Variants in CERS3 observed in about 807,000 individuals in gnomAD.
The protein encoded by CERS3 is ceramide synthase 3.
CERS3 carries 33 observed loss-of-function variants against 50.3 expected under a neutral mutation model. The ratio of observed to expected loss-of-function variants is 0.66; its 90% CI spans 0.50 to 0.88. CERS3 has a LOEUF of 0.88. CERS3 is among the 40% of genes least tolerant of loss of function. CERS3 has a pLI of 0.00. For missense variants in CERS3, 470 were observed against 460.3 expected, an observed-to-expected ratio of 1.02 and a Z score of -0.19; for synonymous variants, 176 against 155.2, an observed-to-expected ratio of 1.13 and a Z score of -0.99.
intron 10 of CERS3, among the ~76,000 whole-genome samples, chr15:100,457,770 C>T (rs904765844): frequency 3.9e-5 from 6 of 152,206 alleles, no homozygotes; most frequent in Admixed American, 6.5e-5. Flanking sequence ...GGTAGCTTTA[C>T]ATTCCCACCA....
At chr15:100,524,824 G>A (rs2036741034) in intron 1 of CERS3, among the ~76,000 whole-genome samples, 1 of 152,126 alleles carries the variant, frequency 6.6e-6, no homozygotes, top group Admixed American at 6.6e-5. Flanking sequence ...GCCTGTGTCA[G>A]GGTCAATCTA....
chr15:100,480,006 T>A lies in CERS3; in HGVS notation c.448A>T (p.Ile150Phe). ...AFYLMITVAG[I>F]AFLYDKPWLY... The stretch of plus-strand genomic sequence containing the variant: ...TAACTTACATCATAAAGAAACGCAA[T>A]TCCAGCAACAGTGATCATTAAGTAA... Residue 150 changes from isoleucine (I) to phenylalanine (F), a missense_variant, in exon 6 of 12, where the codon ATT becomes TTT. Transcript: ENST00000679737. The A allele has an allele frequency of 1.2e-6, 2 of 1,608,738 alleles. No homozygotes were observed. Among genetic ancestry groups the A allele is most frequent in the Non-Finnish European group, 1.7e-6 (2 of 1,178,104 alleles).
intron 11 of CERS3, among the ~76,000 whole-genome samples, chr15:100,441,438 C>T (rs1258490376): frequency 6.6e-6 from 1 of 151,418 alleles, no homozygotes. Context: ...CACGCCCCAA[C>T]CCCTTTCTCG....
At chr15:100,454,387 C>CAAAAAAAAAAA (rs59536958) in intron 11 of CERS3, among the ~76,000 whole-genome samples, 2 of 111,454 alleles carry the variant, frequency 1.8e-5, no homozygotes, top group Non-Finnish European at 1.8e-5. Flanking sequence ...AAGGCATTGT[C>CAAAAAAAAAAA]AAAAAAAAAA....
chr15:100,444,319 C>T (rs541631610), intron 11 of CERS3, among the ~76,000 whole-genome samples: 1 of 152,166 alleles, frequency 6.6e-6, no homozygotes, highest in South Asian at 2.1e-4. Context: ...TGTTGAGTCT[C>T]CCACAATTAC....
chr15:100,471,066 A>T (rs1435223425), intron 9 of CERS3, among the ~76,000 whole-genome samples: 1 of 152,102 alleles, frequency 6.6e-6, no homozygotes, highest in South Asian at 2.1e-4. Flanking sequence ...ACCACTTAAT[A>T]TTTTGTCTAC....
At chr15:100,510,761 G>A (rs972292954) in intron 2 of CERS3, among the ~76,000 whole-genome samples, 21 of 152,184 alleles carry the variant, frequency 1.4e-4, no homozygotes, top group African/African-American at 4.3e-4. Context: ...GGACAGGAGC[G>A]ATTTTTAAAG....
In CERS3 at chr15:100,420,240, A is replaced by G. The variant is rs2032317881; in HGVS notation, c.1000-17375T>C. ...TCAAATAGACGCAATAAAAAATGAT[A>G]AAGGGGATATCACCACCGATCCCAC... On this transcript the variant is annotated intron_variant, in intron 11 of 11. Transcript: ENST00000679737. Among the ~76,000 whole-genome samples, 9 of 145,892 alleles carry G rather than the reference A, an allele frequency of 6.2e-5. No individual in the cohort carries two copies. The South Asian group carries it at 2.1e-3, about 34-fold the overall frequency.
At chr15:100,532,951 CT>C (rs1209035526), upstream of CERS3, among the ~76,000 whole-genome samples, 4 of 152,166 alleles carry the variant, frequency 2.6e-5, no homozygotes, top group African/African-American at 9.7e-5. Context: ...TCTCTCCTCC[CT>C]GCCACAATGA....
intron 11 of CERS3, among the ~76,000 whole-genome samples, chr15:100,439,586 G>A (rs75439191): frequency 1.3e-3 from 197 of 152,334 alleles, no homozygotes; most frequent in South Asian, 8.9e-3. Context: ...TGCATTAAAT[G>A]CTAAACGCTG....
chr15:100,423,742 T>G (rs764846780), intron 11 of CERS3, among the ~76,000 whole-genome samples: 1 of 152,120 alleles, frequency 6.6e-6, no homozygotes, highest in Non-Finnish European at 1.5e-5. Flanking sequence ...ATGTGCCCCC[T>G]GAACCTAAAA....
intron 10 of CERS3, among the ~76,000 whole-genome samples, chr15:100,463,762 A>G (rs1439876109): frequency 6.6e-6 from 1 of 152,174 alleles, no homozygotes; most frequent in Admixed American, 6.5e-5. Context: ...CCCAGCTTCA[A>G]CAGAGTCTTT....
intron 11 of CERS3, among the ~76,000 whole-genome samples, chr15:100,421,718 A>G (rs1011537507): frequency 6.8e-6 from 1 of 147,504 alleles, no homozygotes; most frequent in African/African-American, 2.5e-5. Flanking sequence ...ACAGCATGGT[A>G]CTGGTACCAA....
chr15:100,472,861 G>A, intron 9 of CERS3, 63 bp downstream of exon 9: 1 of 1,601,588 alleles, frequency 6.2e-7, no homozygotes, highest in Admixed American at 1.7e-5. Context: ...AATTACTTCT[G>A]TGAGCAGTTA....
intron 1 of CERS3, among the ~76,000 whole-genome samples, chr15:100,541,463 C>T (rs2037200757): frequency 6.6e-6 from 1 of 151,598 alleles, no homozygotes; most frequent in Non-Finnish European, 1.5e-5. Context: ...CAGAGCGAGA[C>T]TCCATCTTAA....
At chr15:100,462,004 G>A (rs188086379) in intron 10 of CERS3, among the ~76,000 whole-genome samples, 5 of 152,160 alleles carry the variant, frequency 3.3e-5, no homozygotes, top group African/African-American at 1.2e-4. Flanking sequence ...AATTCCATCT[G>A]CCCTTCCCAG....
At chr15:100,488,733 C>A (rs1567656355) in intron 4 of CERS3, among the ~76,000 whole-genome samples, 1 of 151,132 alleles carries the variant, frequency 6.6e-6, no homozygotes, top group Non-Finnish European at 1.5e-5. Flanking sequence ...ATTCCTTCAC[C>A]TTTTTGGTTC....
intron 11 of CERS3, among the ~76,000 whole-genome samples, chr15:100,453,912 G>C (rs1464123759): frequency 6.6e-6 from 1 of 151,966 alleles, no homozygotes; most frequent in Non-Finnish European, 1.5e-5. Flanking sequence ...AAATACCTAG[G>C]AATAAATTTA....
intron 11 of CERS3, chr15:100,437,744 T>G (rs1259045623): frequency 6.6e-6 from 1 of 152,220 alleles, no homozygotes; most frequent in Non-Finnish European, 1.5e-5. Context: ...TATCCTTCAA[T>G]GCAGGCACTA....
Sources: allele counts gnomAD v4.1 joint callset (sites outside exome capture counted in the v4.1 genomes callset), GRCh38; gene constraint gnomAD v4.1.1; transcripts MANE v1.5; gene names NCBI Gene and HGNC (gene_info 2026-07-23, HGNC 2026-07-21).